RNASEH2B: variants seen among roughly 807,000 people sequenced by gnomAD.
RNASEH2B encodes the protein Aicardi-Goutieres syndrome 2 protein.
In RNASEH2B, 36 loss-of-function variants were observed where a neutral mutation model predicts 45.0. That is an observed-to-expected ratio of 0.80 (90% CI 0.61 to 1.06). The LOEUF is 1.06. RNASEH2B is among the 50% of genes least tolerant of loss of function. The pLI, the probability that RNASEH2B is intolerant of heterozygous loss-of-function variation, is 0.00. For synonymous variants in RNASEH2B, 119 were observed against 125.7 expected (o/e 0.95, Z 0.35); for missense variants, 361 against 360.3 (o/e 1.00, Z -0.02).
chr13:50,949,345 AT>A, intron 8 of RNASEH2B, 117 bp from the exon 9 acceptor site: 1 of 817,990 alleles, frequency 1.2e-6, no homozygotes, highest in Non-Finnish European at 2.1e-6. Flanking sequence ...AGGAAGATAT[AT>A]GGAGGTAAAG....
At chr13:50,963,591 TC>T (rs757707874) in intron 9 of RNASEH2B, among the ~76,000 whole-genome samples, 1 of 152,220 alleles carries the variant, frequency 6.6e-6, no homozygotes, top group African/African-American at 2.4e-5. Flanking sequence ...TACTTAAATG[TC>T]CTCATTTGCT....
At chr13:50,951,076 AT>A (rs1343967204) in intron 9 of RNASEH2B, 3 of 152,234 alleles carry the variant, frequency 2.0e-5, no homozygotes, top group Non-Finnish European at 4.4e-5. Context: ...AGCCAGCTGG[AT>A]TTGGCCCCTG....
In RNASEH2B at chr13:50,956,513, T is replaced by C. The variant is rs1231093968; in HGVS notation, c.*39T>C. 6.4e-7 allele frequency: 1 copy of C among 1,572,882 alleles called. No individual in the cohort carries two copies. Among genetic ancestry groups the C allele is most frequent in the East Asian group, 2.3e-5 (1 of 43,462 alleles). On this transcript the variant is annotated 3_prime_UTR_variant, in exon 11 of 11. Coordinates refer to ENST00000336617, the MANE Select transcript of RNASEH2B (RefSeq NM_024570.4). ...AAATCTAGCAAAAATATTTGCTTTT[T>C]ACATGTTTCAGTTTGTCCTTCCTGA...
intron 9 of RNASEH2B, among the ~76,000 whole-genome samples, chr13:50,963,408 C>T (rs1293187938): frequency 1.3e-5 from 2 of 152,180 alleles, no homozygotes; most frequent in Admixed American, 1.3e-4. Flanking sequence ...AGGTGATCCG[C>T]CCACCTCAGC....
intron 8 of RNASEH2B, 93 bp downstream of exon 8, chr13:50,948,161 T>C: frequency 6.4e-7 from 1 of 1,556,380 alleles, no homozygotes; most frequent in Non-Finnish European, 8.7e-7. Context: ...CATATCACTG[T>C]TTATGATACA....
intron 9 of RNASEH2B, chr13:50,950,566 G>A (rs944699025): frequency 9.2e-5 from 14 of 152,192 alleles, no homozygotes; most frequent in Non-Finnish European, 2.1e-4. Flanking sequence ...CATTCCGGTA[G>A]TTAATCTCTG....
intron 8 of RNASEH2B, 154 bp from the exon 9 acceptor site, chr13:50,949,309 C>A: frequency 3.0e-6 from 2 of 661,368 alleles, no homozygotes; most frequent in South Asian, 3.6e-5. Context: ...AGAAAACTTT[C>A]ATTCTTTACA....
intron 7 of RNASEH2B, 39 bp downstream of exon 7, chr13:50,945,571 A>T: frequency 7.2e-7 from 1 of 1,387,158 alleles, no homozygotes. Context: ...TTTTGTCTGG[A>T]GTAAGTTGCT....
At position 50,909,960 on chromosome 13, in the gene RNASEH2B, C is replaced by T; in HGVS notation, c.-117C>T. The T allele has an allele frequency of 2.4e-6, 2 of 821,622 alleles. No homozygotes were observed. Among genetic ancestry groups the T allele is most frequent in the South Asian group, 1.9e-5 (1 of 52,104 alleles). 50.9% of individuals were successfully genotyped at this position (821,622 alleles called of 1,614,324 possible). ...CCCTGGGCCTCCTCCCGGGCGCTGCCGGTCCCTCAGCGCGCCGCGCCACCC... is the reference window on the plus strand; with the variant it reads ...CCCTGGGCCTCCTCCCGGGCGCTGCTGGTCCCTCAGCGCGCCGCGCCACCC... On this transcript the variant is annotated 5_prime_UTR_variant, in exon 1 of 11. Coordinates refer to ENST00000336617, the MANE Select transcript of RNASEH2B (RefSeq NM_024570.4).
intron 9 of RNASEH2B, among the ~76,000 whole-genome samples, chr13:50,965,225 C>T (rs1952153482): frequency 6.6e-6 from 1 of 152,150 alleles, no homozygotes; most frequent in African/African-American, 2.4e-5. Context: ...TATTGTTTTA[C>T]AGTTGCCTAC....
chr13:50,929,378 A>T (rs1213353204), intron 2 of RNASEH2B, 97 bp from the exon 3 acceptor site: 1 of 775,334 alleles, frequency 1.3e-6, no homozygotes. Flanking sequence ...TCATATTAGG[A>T]ACATTCGTCA....
chr13:50,928,206 G>A lies in RNASEH2B; in HGVS notation c.136+728G>A, dbSNP rs117097601. 8.9e-3 allele frequency among the ~76,000 whole-genome samples: 1,358 copies of A among 152,186 alleles called. 12 individuals carry two copies. Among genetic ancestry groups the A allele is most frequent in the Middle Eastern group, 0.017 (5 of 294 alleles). On this transcript the variant is annotated intron_variant, in intron 2 of 10. Transcript: ENST00000336617. The stretch of plus-strand genomic sequence containing the variant: ...CCATTAATTTATAAGGTTTTGTGTA[G>A]ACACCTGATACTTGCCATATTAGAG...
At chr13:50,923,895 G>A (rs1368799742) in intron 1 of RNASEH2B, among the ~76,000 whole-genome samples, 2 of 152,208 alleles carry the variant, frequency 1.3e-5, no homozygotes, top group Non-Finnish European at 2.9e-5. Context: ...GTAGCACAAA[G>A]GAGAGGAGAG....
At chr13:50,943,441 C>A in intron 6 of RNASEH2B, 47 bp downstream of exon 6, 1 of 1,355,660 alleles carries the variant, frequency 7.4e-7, no homozygotes, top group Non-Finnish European at 1.1e-6. Context: ...AAATTCAGTT[C>A]TCTAAGAAAT....
chr13:50,943,871 C>G lies in RNASEH2B; in HGVS notation c.510+477C>G, dbSNP rs866578769. ...TGAGGGGTCATCTTACAGGCAAACC[C>G]TGTATCTTAGTGATTCTAAGAATCT... is the stretch of plus-strand genomic sequence containing the variant. On this transcript the variant is annotated intron_variant, in intron 6 of 10. Coordinates refer to ENST00000336617, the MANE Select transcript of RNASEH2B (RefSeq NM_024570.4). 1.2e-4 allele frequency among the ~76,000 whole-genome samples: 18 copies of G among 152,246 alleles called. No individual in the cohort carries two copies. The South Asian group carries it at 2.3e-3, about 19-fold the overall frequency.
At chr13:50,952,979 T>A (rs780194609) in intron 9 of RNASEH2B, 1 of 152,170 alleles carries the variant, frequency 6.6e-6, no homozygotes, top group Non-Finnish European at 1.5e-5. Context: ...GTTCTTTGTT[T>A]AGCAAAGCAG....
intron 4 of RNASEH2B, among the ~76,000 whole-genome samples, chr13:50,931,381 A>C (rs1951679371): frequency 6.6e-6 from 1 of 152,234 alleles, no homozygotes; most frequent in Non-Finnish European, 1.5e-5. Flanking sequence ...GGGTTCTAGC[A>C]ATACTCTTAG....
chr13:50,919,975 A>G (rs1403453329), intron 1 of RNASEH2B, among the ~76,000 whole-genome samples: 1 of 152,212 alleles, frequency 6.6e-6, no homozygotes, highest in Non-Finnish European at 1.5e-5. Context: ...ATGTCAGGAA[A>G]GTAGCAATCA....
chr13:50,969,822 T>C (rs2138049143), intron 9 of RNASEH2B: 2 of 1,110,534 alleles, frequency 1.8e-6, no homozygotes, highest in African/African-American at 1.6e-5. Flanking sequence ...CCCTCAGGAC[T>C]AAACCCGCCA....
Sources: gnomAD v4.1 joint callset for allele counts (sites outside exome capture counted in the v4.1 genomes callset) on GRCh38, gnomAD v4.1.1 for gene constraint, MANE v1.5 for transcripts, NCBI Gene and HGNC (gene_info 2026-07-23, HGNC 2026-07-21) for gene names.